UGGT2: variants seen among roughly 807,000 people sequenced by gnomAD.
The protein encoded by UGGT2 is UDP-glucose glycoprotein glucosyltransferase 2, also known as UDP-glucose:glycoprotein glucosyltransferase 2.
UGGT2 carries 180 observed loss-of-function variants against 192.1 expected under a neutral mutation model. The ratio of observed to expected loss-of-function variants is 0.94; its 90% confidence interval spans 0.83 to 1.06. The LOEUF (loss-of-function observed/expected upper bound fraction) is 1.06. UGGT2 is among the 50% of genes least tolerant of loss of function. The probability of loss-of-function intolerance (pLI) is 0.00; values close to 1 mark genes in which losing one functional copy is unlikely to be tolerated. For synonymous variants in UGGT2, 580 were observed against 591.0 expected (o/e 0.98, Z 0.27); for missense variants, 1,849 against 1,795.7 (o/e 1.03, Z -0.54).
intron 26 of UGGT2, 26 bp downstream of exon 26, chr13:95,887,866 A>C (rs564732007): frequency 3.5e-6 from 5 of 1,448,158 alleles, no homozygotes; most frequent in Non-Finnish European, 4.8e-6. Context: ...ATTTTTCAAA[A>C]TGAAATTTTG....
In UGGT2 at chr13:95,841,134, T is replaced by C. The variant is rs553978777; in HGVS notation, c.4285-3932A>G. Among the ~76,000 whole-genome samples, 904 of 152,150 alleles carry C rather than the reference T, an allele frequency of 5.9e-3. 6 individuals are homozygous for C. Among genetic ancestry groups the C allele is most frequent in the Non-Finnish European group, 6.7e-3 (454 of 68,014 alleles). On this transcript the variant is annotated intron_variant, in intron 36 of 38. Coordinates refer to ENST00000376747, the MANE Select transcript of UGGT2 (RefSeq NM_020121.4). ...AAAACCTAGATGACAGGTTGATAGGTGCAGCAAACCACCATGGCACATGTA... is the reference window on the plus strand; with the variant it reads ...AAAACCTAGATGACAGGTTGATAGGCGCAGCAAACCACCATGGCACATGTA...
intron 38 of UGGT2, among the ~76,000 whole-genome samples, chr13:95,831,413 A>AT (rs1164047443): frequency 6.6e-6 from 1 of 152,018 alleles, no homozygotes; most frequent in Admixed American, 6.6e-5. Context: ...TCTATAACCT[A>AT]TTTTTTAACT....
intron 29 of UGGT2, among the ~76,000 whole-genome samples, chr13:95,874,759 A>G (rs1891519431): frequency 6.6e-6 from 1 of 151,554 alleles, no homozygotes; most frequent in African/African-American, 2.4e-5. Context: ...TGGCATGACC[A>G]TGGCTCACTG....
At chr13:95,885,001 T>C (rs1360024493) in intron 26 of UGGT2, among the ~76,000 whole-genome samples, 1 of 152,170 alleles carries the variant, frequency 6.6e-6, no homozygotes. Context: ...TTTGTATGCA[T>C]CCTCCTTCAA....
intron 1 of UGGT2, among the ~76,000 whole-genome samples, chr13:96,037,826 A>G (rs367609430): frequency 4.6e-5 from 7 of 152,192 alleles, no homozygotes; most frequent in African/African-American, 1.7e-4. Context: ...TACAATTTTA[A>G]GAGAAACATA....
intron 1 of UGGT2, among the ~76,000 whole-genome samples, chr13:96,046,163 G>C (rs1594639039): frequency 6.6e-6 from 1 of 152,098 alleles, no homozygotes; most frequent in Admixed American, 6.6e-5. Flanking sequence ...ACGTAATAGA[G>C]AATCCAGAAA....
intron 22 of UGGT2, among the ~76,000 whole-genome samples, chr13:95,898,115 A>C (rs915609202): frequency 6.6e-6 from 1 of 152,076 alleles, no homozygotes; most frequent in African/African-American, 2.4e-5. Flanking sequence ...CACCACTAGA[A>C]CCATTCTGGT....
chr13:95,901,234 A>C (rs1272972271), intron 21 of UGGT2, among the ~76,000 whole-genome samples: 1 of 152,138 alleles, frequency 6.6e-6, no homozygotes, highest in African/African-American at 2.4e-5. Context: ...ATAAAATTTG[A>C]TATGAAGAAA....
rs188055797 is a variant in UGGT2, at chr13:95,854,215, G to A, written c.4169+100C>T. 162 of 1,354,312 alleles carry A rather than the reference G, an allele frequency of 1.2e-4. No individual in the cohort carries two copies. The African/African-American group carries it at 2.3e-3, about 19-fold the overall frequency. 83.9% of individuals were successfully genotyped at this position (1,354,312 alleles called of 1,614,324 possible). A position where few individuals can be genotyped will look rare whatever the true frequency, so the allele number is the denominator to read the frequency against. ...CACTATGTAATTGGTTGCTTTTATTGTGTAATTTTTAAGAAAACTGTGTAA... is the reference window on the plus strand; with the variant it reads ...CACTATGTAATTGGTTGCTTTTATTATGTAATTTTTAAGAAAACTGTGTAA... On this transcript the variant is annotated intron_variant, in intron 35 of 38. Coordinates refer to ENST00000376747, the MANE Select transcript of UGGT2 (RefSeq NM_020121.4).
intron 4 of UGGT2, among the ~76,000 whole-genome samples, chr13:96,017,755 T>C (rs2052383416): frequency 6.6e-6 from 1 of 152,218 alleles, no homozygotes; most frequent in Non-Finnish European, 1.5e-5. Flanking sequence ...TATAGGCCAT[T>C]TTCCCTTTCT....
chr13:96,040,781 A>C (rs2053142770), intron 1 of UGGT2, among the ~76,000 whole-genome samples: 1 of 152,178 alleles, frequency 6.6e-6, no homozygotes, highest in African/African-American at 2.4e-5. Flanking sequence ...CTGCGGCTAG[A>C]CTGTCAAGGA....
intron 1 of UGGT2, among the ~76,000 whole-genome samples, chr13:96,033,306 A>G (rs2052895057): frequency 6.6e-6 from 1 of 152,192 alleles, no homozygotes; most frequent in Admixed American, 6.5e-5. Context: ...CAGCTGTAGC[A>G]AGGGAGATAT....
intron 4 of UGGT2, among the ~76,000 whole-genome samples, chr13:96,022,394 TAA>T (rs994007918): frequency 2.0e-5 from 3 of 151,820 alleles, no homozygotes; most frequent in Non-Finnish European, 4.4e-5. Context: ...TACATAAAAA[TAA>T]AAGTCTTTTG....
intron 36 of UGGT2, among the ~76,000 whole-genome samples, chr13:95,849,931 T>G (rs1331701513): frequency 6.6e-6 from 1 of 150,858 alleles, no homozygotes; most frequent in East Asian, 1.9e-4. Context: ...TTTTTGTTTT[T>G]TTTTTTGGTC....
At chr13:95,915,885 C>T (rs374996346) in intron 20 of UGGT2, among the ~76,000 whole-genome samples, 5 of 152,330 alleles carry the variant, frequency 3.3e-5, no homozygotes, top group African/African-American at 1.2e-4. Context: ...ATTATAAAGA[C>T]AGAGCTTTGA....
At chr13:95,996,238 A>C (rs2051615681) in intron 6 of UGGT2, 103 bp from the exon 7 acceptor site, 12 of 984,924 alleles carry the variant, frequency 1.2e-5, no homozygotes, top group Middle Eastern at 2.9e-4. Context: ...GCGGCAGCTC[A>C]TGCCTGTAAT....
intron 31 of UGGT2, 128 bp from the exon 32 acceptor site, chr13:95,861,011 T>A (rs1404668934): frequency 2.3e-6 from 1 of 431,600 alleles, no homozygotes; most frequent in Non-Finnish European, 4.0e-6. Context: ...CACTCTATAA[T>A]ATTTACAAAC....
At chr13:95,855,482 C>G (rs192933721) in intron 34 of UGGT2, among the ~76,000 whole-genome samples, 2 of 146,194 alleles carry the variant, frequency 1.4e-5, no homozygotes, top group East Asian at 4.0e-4. Context: ...ATTTTGAAAG[C>G]AGAGGGCCTT....
At chr13:95,906,641 T>C (rs1431037581) in intron 20 of UGGT2, among the ~76,000 whole-genome samples, 2 of 152,162 alleles carry the variant, frequency 1.3e-5, no homozygotes, top group Non-Finnish European at 2.9e-5. Flanking sequence ...TAAGGATAAA[T>C]GTAAAGATAT....
Sources: gnomAD v4.1 joint callset for allele counts (sites outside exome capture counted in the v4.1 genomes callset) on GRCh38, gnomAD v4.1.1 for gene constraint, MANE v1.5 for transcripts, NCBI Gene and HGNC (gene_info 2026-07-23, HGNC 2026-07-21) for gene names.